STOX2: variants seen among roughly 807,000 people sequenced by gnomAD.
The protein encoded by STOX2 is storkhead-box protein 2.
Under a neutral mutation model 60.9 loss-of-function variants are expected in STOX2, and 28 were observed. That is an observed-to-expected ratio of 0.46 (90% CI 0.34 to 0.63). The LOEUF (loss-of-function observed/expected upper bound fraction) is 0.63, where lower values mean the gene tolerates loss of function less well. Ranked by LOEUF, STOX2 falls within the 30% of genes least tolerant of loss-of-function variation. The probability of loss-of-function intolerance (pLI) is 0.01; values close to 1 mark genes in which losing one functional copy is unlikely to be tolerated. For missense variants in STOX2, 1,024 were observed against 1,187.7 expected, an observed-to-expected ratio of 0.86 and a Z score of 2.03; for synonymous variants, 472 against 463.9, an observed-to-expected ratio of 1.02 and a Z score of -0.22.
At chr4:183,941,211 C>T (rs967221699) in intron 1 of STOX2, among the ~76,000 whole-genome samples, 1 of 152,138 alleles carries the variant, frequency 6.6e-6, no homozygotes, top group Admixed American at 6.5e-5. Flanking sequence ...TGTATTTGTT[C>T]ATAATATTCA....
At chr4:183,939,597 G>C (rs549047504) in intron 1 of STOX2, among the ~76,000 whole-genome samples, 1 of 151,670 alleles carries the variant, frequency 6.6e-6, no homozygotes, top group Non-Finnish European at 1.5e-5. Flanking sequence ...GATGGTCACA[G>C]ATTTTTTTTT....
At chr4:184,004,573 C>T (rs1292039458) in intron 2 of STOX2, among the ~76,000 whole-genome samples, 1 of 151,882 alleles carries the variant, frequency 6.6e-6, no homozygotes, top group African/African-American at 2.4e-5. Context: ...GCACTCCAGC[C>T]TGGGCGACAG....
chr4:183,985,336 G>A (rs919100814), intron 1 of STOX2, among the ~76,000 whole-genome samples: 7 of 152,150 alleles, frequency 4.6e-5, no homozygotes, highest in Non-Finnish European at 8.8e-5. Flanking sequence ...GATGATTCAT[G>A]TAGGAAGTCT....
chr4:183,817,653 T>G (rs1338272449), intron 1 of STOX2, among the ~76,000 whole-genome samples: 3 of 152,226 alleles, frequency 2.0e-5, no homozygotes, highest in Non-Finnish European at 4.4e-5. Flanking sequence ...CAAGACTTCG[T>G]GAGAGTGACT....
At chr4:183,798,928 T>C (rs942056570) in intron 1 of STOX2, 4 of 417,444 alleles carry the variant, frequency 9.6e-6, no homozygotes, top group South Asian at 9.9e-5. Context: ...ACATAGTAAA[T>C]AGTAAAGCTT....
intron 1 of STOX2, among the ~76,000 whole-genome samples, chr4:183,862,218 C>G (rs1740465471): frequency 6.6e-6 from 1 of 152,180 alleles, no homozygotes; most frequent in African/African-American, 2.4e-5. Context: ...CTCTGTCACC[C>G]AGGCTGGAGT....
chr4:183,954,205 G>A (rs1743177695), intron 1 of STOX2, among the ~76,000 whole-genome samples: 2 of 152,198 alleles, frequency 1.3e-5, no homozygotes, highest in South Asian at 4.1e-4. Context: ...GGGCCCGTGG[G>A]AGGAACTCAA....
chr4:183,996,949 T>G (rs1352692726), intron 1 of STOX2, among the ~76,000 whole-genome samples: 1 of 152,220 alleles, frequency 6.6e-6, no homozygotes, highest in Non-Finnish European at 1.5e-5. Flanking sequence ...TTAAGATGAC[T>G]AAGAAATTCC....
chr4:183,946,610 C>G (rs1178919563), intron 1 of STOX2, among the ~76,000 whole-genome samples: 1 of 145,344 alleles, frequency 6.9e-6, no homozygotes, highest in East Asian at 2.1e-4. Flanking sequence ...AACGTAACAA[C>G]TATTTACATA....
At chr4:183,829,729 G>C (rs1449263811) in intron 1 of STOX2, among the ~76,000 whole-genome samples, 1 of 152,148 alleles carries the variant, frequency 6.6e-6, no homozygotes, top group Admixed American at 6.5e-5. Context: ...AAGCCAGCTC[G>C]ACTTGCGGTT....
chr4:183,888,872 T>A (rs1431905308), intron 1 of STOX2, among the ~76,000 whole-genome samples: 1 of 151,976 alleles, frequency 6.6e-6, no homozygotes, highest in Non-Finnish European at 1.5e-5. Flanking sequence ...TGGGGCTGAT[T>A]TGGCTCTGTG....
intron 1 of STOX2, among the ~76,000 whole-genome samples, chr4:183,847,997 A>G (rs1172866153): frequency 6.6e-6 from 1 of 152,210 alleles, no homozygotes; most frequent in African/African-American, 2.4e-5. Flanking sequence ...AGAAATGAGT[A>G]GGAAATGGAG....
chr4:183,887,678 A>T (rs1741115881), intron 1 of STOX2, among the ~76,000 whole-genome samples: 1 of 152,242 alleles, frequency 6.6e-6, no homozygotes, highest in Non-Finnish European at 1.5e-5. Context: ...GCTCAAGGTT[A>T]TACCTCTAAT....
At chr4:183,830,534 C>T (rs139883706) in intron 1 of STOX2, among the ~76,000 whole-genome samples, 140 of 152,252 alleles carry the variant, frequency 9.2e-4, no homozygotes, top group African/African-American at 3.2e-3. Flanking sequence ...TTAGCCATGA[C>T]CCCAGGCTGG....
chr4:183,969,188 G>A (rs1292025821), intron 1 of STOX2, among the ~76,000 whole-genome samples: 1 of 152,208 alleles, frequency 6.6e-6, no homozygotes, highest in Non-Finnish European at 1.5e-5. Context: ...CATTAAGAAT[G>A]TAGTCTGCTT....
intron 1 of STOX2, among the ~76,000 whole-genome samples, chr4:183,928,610 T>A (rs775544825): frequency 2.0e-5 from 3 of 152,148 alleles, no homozygotes; most frequent in Non-Finnish European, 2.9e-5. Context: ...CCTGTGAGCG[T>A]GGACCTGAAT....
At chr4:183,868,857 A>G (rs1355617990) in intron 1 of STOX2, among the ~76,000 whole-genome samples, 1 of 152,228 alleles carries the variant, frequency 6.6e-6, no homozygotes, top group Non-Finnish European at 1.5e-5. Context: ...AAGCCCTTTT[A>G]TTAAAAAAGA....
chr4:183,805,105 T>C (rs1268847762), intron 1 of STOX2, among the ~76,000 whole-genome samples: 1 of 152,238 alleles, frequency 6.6e-6, no homozygotes, highest in Non-Finnish European at 1.5e-5. Context: ...AAGTTCGTTA[T>C]ATACAAACTA....
At chr4:183,989,758 T>C (rs1033924034) in intron 1 of STOX2, among the ~76,000 whole-genome samples, 2 of 152,174 alleles carry the variant, frequency 1.3e-5, no homozygotes, top group African/African-American at 4.8e-5. Context: ...ACACGAAAGC[T>C]TTTTAAAAAA....
Sources: allele counts gnomAD v4.1 joint callset (sites outside exome capture counted in the v4.1 genomes callset), GRCh38; gene constraint gnomAD v4.1.1; transcripts MANE v1.5; gene names NCBI Gene and HGNC (gene_info 2026-07-23, HGNC 2026-07-21).